Variants in ABL2 observed in about 807,000 individuals in gnomAD.
ABL2 encodes the protein ABL proto-oncogene 2, non-receptor tyrosine kinase.
Under a neutral mutation model 107.7 loss-of-function variants are expected in ABL2, and 49 were observed. That is an observed-to-expected ratio of 0.45 (90% CI 0.36 to 0.58). The LOEUF (loss-of-function observed/expected upper bound fraction) is 0.58. Among genes scored for constraint, ABL2 ranks in the 20% least tolerant of loss-of-function variants. ABL2 has a pLI of 0.00. For missense variants in ABL2, 1,245 were observed against 1,457.0 expected, an observed-to-expected ratio of 0.85 and a Z score of 2.37; for synonymous variants, 549 against 548.6, an observed-to-expected ratio of 1.00 and a Z score of -0.01.
At chr1:179,223,109 CAAAAAAAAA>C (rs35137729) in intron 1 of ABL2, among the ~76,000 whole-genome samples, 2 of 69,256 alleles carry the variant, frequency 2.9e-5, no homozygotes, top group Middle Eastern at 0.01. Flanking sequence ...GGCTCCCTCT[CAAAAAAAAA>C]AAAAAAAAAA....
intron 1 of ABL2, among the ~76,000 whole-genome samples, chr1:179,158,187 G>A (rs1308915018): frequency 6.6e-6 from 1 of 152,174 alleles, no homozygotes; most frequent in Admixed American, 6.5e-5. Context: ...GCAAAAGGTA[G>A]AGAAAAGCAA....
At chr1:179,198,194 T>C (rs1260278259) in intron 1 of ABL2, among the ~76,000 whole-genome samples, 2 of 150,032 alleles carry the variant, frequency 1.3e-5, no homozygotes. Flanking sequence ...AAAAAAAGTT[T>C]TCCAGGTGAT....
At chr1:179,131,575 C>T (rs17277358) in intron 2 of ABL2, 94 bp from the exon 3 acceptor site, 102,763 of 1,312,096 alleles carry the variant, frequency 0.078, 4,892 homozygotes, top group Non-Finnish European at 0.089. Context: ...CAGCTGCTGG[C>T]TCCAGAGTAG....
At chr1:179,166,395 A>G (rs12117338) in intron 1 of ABL2, among the ~76,000 whole-genome samples, 831 of 68,582 alleles carry the variant, frequency 0.012, 5 homozygotes, top group Non-Finnish European at 0.015. Flanking sequence ...ACTCAATACT[A>G]AAAAAAAAAA....
intron 1 of ABL2, chr1:179,222,035 A>G (rs1662897036): frequency 1.0e-5 from 2 of 197,526 alleles, no homozygotes; most frequent in Middle Eastern, 1.0e-3. Flanking sequence ...ATGTCTGTCA[A>G]TTTGGATGTG....
chr1:179,108,789 C>T lies in ABL2; in HGVS notation c.2478G>A (p.Val826=), dbSNP rs2102577612. Reference sequence around the variant, plus strand: ...TTGGAAGCATGTCATTGGCCCTGTCCACATTCTCTTCTGGCTGAGAAGAGG... The same window carrying T: ...TTGGAAGCATGTCATTGGCCCTGTCTACATTCTCTTCTGGCTGAGAAGAGG... ...VSTSSQPEEN[V]DRANDMLPKK... The change falls in exon 12 of 12, where the codon GTG becomes GTA. Residue 826 remains valine, a synonymous_variant. Coordinates refer to ENST00000502732, the MANE Select transcript of ABL2 (RefSeq NM_007314.4). 5 of 1,614,190 alleles carry T rather than the reference C, an allele frequency of 3.1e-6. No individual in the cohort carries two copies. The highest frequency in any genetic ancestry group is 3.4e-6 in the Non-Finnish European group (4 of 1,180,032).
intron 3 of ABL2, among the ~76,000 whole-genome samples, chr1:179,130,651 A>T (rs28914524): frequency 6.6e-6 from 1 of 151,942 alleles, no homozygotes; most frequent in East Asian, 1.9e-4. Context: ...AGAGAGTGGT[A>T]GTTTATTTCC....
intron 1 of ABL2, among the ~76,000 whole-genome samples, chr1:179,215,686 C>A (rs1378812850): frequency 1.3e-5 from 2 of 151,146 alleles, no homozygotes; most frequent in African/African-American, 2.4e-5. Flanking sequence ...CAGAGCCAGA[C>A]TCTGCCTCAA....
intron 1 of ABL2, among the ~76,000 whole-genome samples, chr1:179,226,415 TCTC>T (rs1318650347): frequency 2.0e-5 from 3 of 151,404 alleles, no homozygotes; most frequent in African/African-American, 7.3e-5. Flanking sequence ...TTCAAGCGAT[TCTC>T]CTGTCTCAGC....
chr1:179,141,889 G>C (rs1003477289), intron 1 of ABL2, among the ~76,000 whole-genome samples: 2 of 152,216 alleles, frequency 1.3e-5, no homozygotes, highest in Admixed American at 6.5e-5. Context: ...GAATCATAAA[G>C]AGTAAGGGAA....
intron 4 of ABL2, among the ~76,000 whole-genome samples, chr1:179,122,997 C>T (rs1359758462): frequency 6.6e-6 from 1 of 152,060 alleles, no homozygotes; most frequent in Admixed American, 6.6e-5. Context: ...ACTATGGACT[C>T]AACTACAGAA....
At chr1:179,171,987 G>GA (rs1319333171) in intron 1 of ABL2, among the ~76,000 whole-genome samples, 1 of 152,042 alleles carries the variant, frequency 6.6e-6, no homozygotes, top group Admixed American at 6.6e-5. Flanking sequence ...ACAAAAGGGG[G>GA]AAAAAATGGA....
At chr1:179,194,446 C>T (rs944993689) in intron 1 of ABL2, among the ~76,000 whole-genome samples, 3 of 152,302 alleles carry the variant, frequency 2.0e-5, no homozygotes, top group African/African-American at 7.2e-5. Context: ...TGAGAAACTA[C>T]TGATGGAGGC....
chr1:179,137,720 C>T (rs1031224752), intron 1 of ABL2: 1 of 152,112 alleles, frequency 6.6e-6, no homozygotes, highest in African/African-American at 2.4e-5. Context: ...TTAAAGTTTA[C>T]AAAACAGTAA....
intron 1 of ABL2, among the ~76,000 whole-genome samples, chr1:179,165,858 C>T (rs1176758489): frequency 6.6e-6 from 1 of 151,704 alleles, no homozygotes; most frequent in African/African-American, 2.4e-5. Flanking sequence ...TGTAGTGGCG[C>T]GACCTTGGCT....
intron 1 of ABL2, among the ~76,000 whole-genome samples, chr1:179,135,147 G>A (rs1248866780): frequency 2.6e-5 from 4 of 152,058 alleles, no homozygotes; most frequent in South Asian, 2.1e-4. Context: ...CTGCCCGGCC[G>A]CCACCCCGTC....
chr1:179,128,286 G>C (rs150478272), intron 3 of ABL2, among the ~76,000 whole-genome samples: 126 of 152,024 alleles, frequency 8.3e-4, no homozygotes, highest in African/African-American at 2.9e-3. Context: ...AGTAAGTCTG[G>C]TGTAGCGGTG....
At chr1:179,208,898 T>TA (rs1488086543) in intron 1 of ABL2, among the ~76,000 whole-genome samples, 1 of 152,202 alleles carries the variant, frequency 6.6e-6, no homozygotes, top group Non-Finnish European at 1.5e-5. Flanking sequence ...TTAAATGAGA[T>TA]AAAGTTTACA....
intron 1 of ABL2, among the ~76,000 whole-genome samples, chr1:179,162,500 G>A (rs111484612): frequency 0.022 from 3,356 of 152,208 alleles, 66 homozygotes; most frequent in Middle Eastern, 0.054. Flanking sequence ...CAGGAGAATT[G>A]CTTGAACCCA....
Sources: allele counts gnomAD v4.1 joint callset (sites outside exome capture counted in the v4.1 genomes callset), GRCh38; gene constraint gnomAD v4.1.1; transcripts MANE v1.5; gene names NCBI Gene and HGNC (gene_info 2026-07-23, HGNC 2026-07-21).